B3GALT1: variants seen among roughly 807,000 people sequenced by gnomAD.
The protein encoded by B3GALT1 is UDP-Gal:betaGlcNAc beta 1,3-galactosyltransferase, polypeptide 1.
In B3GALT1, 10 loss-of-function variants were observed where a neutral mutation model predicts 23.2. The observed-to-expected ratio is 0.43, with a 90% CI of 0.27 to 0.73. B3GALT1 has a LOEUF of 0.73. Ranked by LOEUF, B3GALT1 falls within the 30% of genes least tolerant of loss-of-function variation. The pLI, the probability that B3GALT1 is intolerant of heterozygous loss-of-function variation, is 0.21. For missense variants in B3GALT1, 299 were observed against 405.4 expected, an observed-to-expected ratio of 0.74 and a Z score of 2.25; for synonymous variants, 156 against 141.5, an observed-to-expected ratio of 1.10 and a Z score of -0.73.
chr2:167,581,359 A>G (rs757011629), intron 2 of B3GALT1, among the ~76,000 whole-genome samples: 3 of 152,244 alleles, frequency 2.0e-5, no homozygotes, highest in African/African-American at 4.8e-5. Context: ...ACACTATAAT[A>G]AATTGCTAAT....
intron 3 of B3GALT1, among the ~76,000 whole-genome samples, chr2:167,768,221 A>G (rs1688009973): frequency 6.6e-6 from 1 of 152,218 alleles, no homozygotes; most frequent in African/African-American, 2.4e-5. Flanking sequence ...TCAAGTGGAC[A>G]CCTAAAATTC....
chr2:167,389,933 A>AG (rs1559082661), intron 1 of B3GALT1, among the ~76,000 whole-genome samples: 5 of 148,552 alleles, frequency 3.4e-5, no homozygotes, highest in African/African-American at 1.3e-4. Context: ...AACAAAAAAA[A>AG]AAAAGAAAGA....
chr2:167,626,593 GAAAA>G (rs1297471941), intron 2 of B3GALT1, among the ~76,000 whole-genome samples: 1 of 151,144 alleles, frequency 6.6e-6, no homozygotes, highest in African/African-American at 2.4e-5. Flanking sequence ...CAAAGACCCA[GAAAA>G]AAAACCAAAA....
intron 2 of B3GALT1, among the ~76,000 whole-genome samples, chr2:167,551,222 C>G (rs1430271621): frequency 3.9e-5 from 6 of 152,306 alleles, no homozygotes; most frequent in Middle Eastern, 3.4e-3. Context: ...AACAGCTAGC[C>G]AGCCTCTTCC....
chr2:167,646,425 C>T (rs1318634219), intron 2 of B3GALT1, among the ~76,000 whole-genome samples: 4 of 152,214 alleles, frequency 2.6e-5, no homozygotes, highest in Non-Finnish European at 5.9e-5. Flanking sequence ...TACCCTGTTC[C>T]TCTTCCTTCT....
intron 3 of B3GALT1, among the ~76,000 whole-genome samples, chr2:167,788,648 C>G (rs1688381892): frequency 6.6e-6 from 1 of 152,102 alleles, no homozygotes; most frequent in South Asian, 2.1e-4. Context: ...AGCTTCACTC[C>G]TTGCCCACCA....
At chr2:167,359,236 T>G (rs376414592) in intron 1 of B3GALT1, among the ~76,000 whole-genome samples, 6 of 152,234 alleles carry the variant, frequency 3.9e-5, no homozygotes, top group Non-Finnish European at 7.3e-5. Context: ...CATTAGTGTC[T>G]TCTTTGAGTG....
chr2:167,753,984 A>T (rs1574245783), intron 3 of B3GALT1, among the ~76,000 whole-genome samples: 1 of 152,350 alleles, frequency 6.6e-6, no homozygotes, highest in African/African-American at 2.4e-5. Flanking sequence ...TGAAGGTCTG[A>T]TTTGTTTCAA....
intron 2 of B3GALT1, among the ~76,000 whole-genome samples, chr2:167,583,172 G>A (rs1684518721): frequency 6.6e-6 from 1 of 152,194 alleles, no homozygotes; most frequent in Non-Finnish European, 1.5e-5. Flanking sequence ...AGCCTCATGA[G>A]TCAGACATTC....
At chr2:167,442,598 G>A (rs1291610405) in intron 1 of B3GALT1, among the ~76,000 whole-genome samples, 3 of 151,554 alleles carry the variant, frequency 2.0e-5, no homozygotes, top group South Asian at 2.1e-4. Context: ...GTATGTCATT[G>A]TGGTTTTGAT....
At chr2:167,444,837 T>C (rs1051879485) in intron 1 of B3GALT1, among the ~76,000 whole-genome samples, 17 of 152,054 alleles carry the variant, frequency 1.1e-4, no homozygotes, top group African/African-American at 4.1e-4. Context: ...CGTTGATTTT[T>C]TGAAGAGTTT....
intron 4 of B3GALT1, among the ~76,000 whole-genome samples, chr2:167,867,887 A>C (rs1218784510): frequency 1.3e-5 from 2 of 152,228 alleles, no homozygotes; most frequent in Non-Finnish European, 2.9e-5. Flanking sequence ...TCCAGAGGAA[A>C]ATTAAATTTG....
At chr2:167,693,359 G>A (rs898256670) in intron 3 of B3GALT1, among the ~76,000 whole-genome samples, 8 of 152,106 alleles carry the variant, frequency 5.3e-5, no homozygotes, top group Non-Finnish European at 1.0e-4. Flanking sequence ...GGAACTTGAT[G>A]TTAAAAGGCA....
At chr2:167,341,709 A>G (rs1468871290) in intron 1 of B3GALT1, among the ~76,000 whole-genome samples, 2 of 152,160 alleles carry the variant, frequency 1.3e-5, no homozygotes, top group Admixed American at 1.3e-4. Flanking sequence ...TTACAAATGA[A>G]CAATTCAGCT....
At chr2:167,456,007 A>C (rs539167719) in intron 1 of B3GALT1, among the ~76,000 whole-genome samples, 71 of 152,312 alleles carry the variant, frequency 4.7e-4, no homozygotes, top group Non-Finnish European at 6.8e-4. Context: ...GAGCAGTTGG[A>C]TATAAGAGAA....
intron 2 of B3GALT1, among the ~76,000 whole-genome samples, chr2:167,617,602 T>C (rs998323770): frequency 4.6e-5 from 7 of 152,110 alleles, no homozygotes; most frequent in African/African-American, 1.7e-4. Context: ...AAAACCTTTG[T>C]AAAACTTTTT....
At chr2:167,456,144 G>T (rs1450873480) in intron 1 of B3GALT1, among the ~76,000 whole-genome samples, 1 of 152,188 alleles carries the variant, frequency 6.6e-6, no homozygotes, top group Non-Finnish European at 1.5e-5. Flanking sequence ...CATGGCACCA[G>T]CATCTGCTTC....
Position 167,522,385 on chromosome 2 carries a change from C to A in B3GALT1, c.-410+32108C>A, listed in dbSNP as rs543689927. Among the ~76,000 whole-genome samples the A allele has an allele frequency of 6.2e-4, 94 of 152,140 alleles. No individual in the cohort carries two copies. The South Asian group carries it at 0.018, about 29-fold the overall frequency. On this transcript the variant is annotated intron_variant, in intron 2 of 4. Transcript: ENST00000392690. The stretch of plus-strand genomic sequence containing the variant: ...TTTATTTTTGCCCTGAAAATATTAT[C>A]CCAATTCTGGTCAAATATTCCACTT...
intron 3 of B3GALT1, among the ~76,000 whole-genome samples, chr2:167,758,232 T>C (rs1234051914): frequency 6.6e-6 from 1 of 152,146 alleles, no homozygotes; most frequent in Non-Finnish European, 1.5e-5. Context: ...CTCTGATAGA[T>C]AGGCCAGCCC....
Sources: gnomAD v4.1 joint callset for allele counts (sites outside exome capture counted in the v4.1 genomes callset) on GRCh38, gnomAD v4.1.1 for gene constraint, MANE v1.5 for transcripts, NCBI Gene and HGNC (gene_info 2026-07-23, HGNC 2026-07-21) for gene names.